Variants in USP40 observed in about 807,000 individuals in gnomAD.
The protein encoded by USP40 is ubiquitin carboxyl-terminal hydrolase 40.
In USP40, 143 loss-of-function variants were observed where a neutral mutation model predicts 166.2. The observed-to-expected ratio is 0.86, with a 90% confidence interval of 0.75 to 0.99. The LOEUF (loss-of-function observed/expected upper bound fraction) is 0.99. Ranked by LOEUF, USP40 falls within the 50% of genes least tolerant of loss-of-function variation. The pLI is 0.00. For missense variants in USP40, 1,444 were observed against 1,479.7 expected, an observed-to-expected ratio of 0.98 and a Z score of 0.40; for synonymous variants, 498 against 524.0, an observed-to-expected ratio of 0.95 and a Z score of 0.68.
intron 5 of USP40, among the ~76,000 whole-genome samples, chr2:233,555,697 G>A (rs191022852): frequency 1.9e-4 from 28 of 148,428 alleles, no homozygotes; most frequent in Non-Finnish European, 2.4e-4. Context: ...GCACAGTGGC[G>A]CAATCTCAGG....
At chr2:233,537,795 T>C (rs1002778070) in intron 10 of USP40, among the ~76,000 whole-genome samples, 2 of 152,148 alleles carry the variant, frequency 1.3e-5, no homozygotes, top group African/African-American at 4.8e-5. Context: ...AATTCTGAAC[T>C]TCAAGAAATG....
In USP40 at chr2:233,559,811, C is replaced by A; in HGVS notation, c.381G>T (p.Glu127Asp). The A allele has an allele frequency of 6.2e-7, 1 of 1,601,964 alleles. No individual in the cohort carries two copies. The highest frequency in any genetic ancestry group is 8.5e-7 in the Non-Finnish European group (1 of 1,173,718). The stretch of plus-strand genomic sequence containing the variant: ...TTCCTTAAAGAGCTGATCCTCGTAC[C>A]TCATTACTGGTCCACCCAAAGCTGT... ...LTDSFGWTSN[E>D]EMRQHDVQEL... Residue 127 changes from glutamate (E) to aspartate (D), a missense_variant and splice_region_variant, in exon 4 of 32, where the codon GAG (glutamate) becomes GAT (aspartate). By Grantham distance (45) the Glu-to-Asp change is conservative (BLOSUM62 2). Transcript: ENST00000678225.
At position 233,533,965 on chromosome 2, in the gene USP40, T is replaced by C. The variant is rs531558756; in HGVS notation, c.1171-186A>G. ...CATTTAATAAAACCACAGTGCTCTG[T>C]TAAATAGTCTGATAGTGACATCCAG... On this transcript the variant is annotated intron_variant, in intron 10 of 31. Coordinates refer to ENST00000678225, the MANE Select transcript of USP40 (RefSeq NM_001365479.2). Among the ~76,000 whole-genome samples, 10 of 152,330 alleles carry C rather than the reference T, an allele frequency of 6.6e-5. No homozygotes were observed. In the South Asian group the frequency reaches 2.1e-3, roughly 32 times the overall value.
chr2:233,555,979 G>A (rs545708730), intron 5 of USP40, among the ~76,000 whole-genome samples: 1 of 151,998 alleles, frequency 6.6e-6, no homozygotes, highest in Admixed American at 6.6e-5. Context: ...AGCCAGGCAT[G>A]GTGGCGGGCA....
intron 9 of USP40, among the ~76,000 whole-genome samples, chr2:233,541,269 A>G (rs902245756): frequency 1.3e-5 from 2 of 152,248 alleles, no homozygotes; most frequent in African/African-American, 4.8e-5. Flanking sequence ...GAATGTGACC[A>G]CATTTGGAGA....
intron 25 of USP40, 104 bp from the exon 26 acceptor site, chr2:233,491,365 C>G (rs2065325077): frequency 1.2e-6 from 1 of 862,264 alleles, no homozygotes; most frequent in Non-Finnish European, 1.9e-6. Flanking sequence ...TATTAAAATT[C>G]CACTCAAGAG....
At chr2:233,499,832 T>A (rs753130562) in intron 22 of USP40, 47 bp downstream of exon 22, 11 of 1,567,202 alleles carry the variant, frequency 7.0e-6, no homozygotes, top group African/African-American at 2.8e-5. Flanking sequence ...GTCAAAAAAA[T>A]TTTTATTAGG....
At chr2:233,495,171 T>C (rs535630170) in intron 24 of USP40, among the ~76,000 whole-genome samples, 1 of 151,262 alleles carries the variant, frequency 6.6e-6, no homozygotes, top group African/African-American at 2.4e-5. Flanking sequence ...CTTCACAGCA[T>C]ACACTAGGAG....
chr2:233,531,313 T>A (rs10185923), intron 11 of USP40, among the ~76,000 whole-genome samples: 120,357 of 152,042 alleles, frequency 0.79, 47,724 homozygotes, highest in East Asian at 0.87. Flanking sequence ...TCCCTCAGTC[T>A]TCTCTTCTTC....
intron 18 of USP40, among the ~76,000 whole-genome samples, chr2:233,517,013 T>A (rs1034873982): frequency 2.0e-5 from 3 of 152,362 alleles, no homozygotes; most frequent in Middle Eastern, 3.4e-3. Flanking sequence ...TGTCTAAGTA[T>A]CCCATAATAT....
At chr2:233,517,356 A>G (rs2067272013) in intron 18 of USP40, among the ~76,000 whole-genome samples, 1 of 152,106 alleles carries the variant, frequency 6.6e-6, no homozygotes, top group Admixed American at 6.5e-5. Flanking sequence ...TCATTATACA[A>G]AAAAGATACT....
chr2:233,529,652 AG>A (rs2068335412), intron 11 of USP40, 140 bp from the exon 12 acceptor site: 3 of 508,368 alleles, frequency 5.9e-6, no homozygotes, highest in East Asian at 3.1e-5. Context: ...GAATTTTCTC[AG>A]GATCTCAGTT....
chr2:233,483,214 G>C (rs2064737182), intron 30 of USP40, among the ~76,000 whole-genome samples: 3 of 152,138 alleles, frequency 2.0e-5, no homozygotes, highest in Non-Finnish European at 4.4e-5. Flanking sequence ...TTCTTGCCAG[G>C]CATGGTGGCT....
chr2:233,537,647 A>G (rs1052788155), intron 10 of USP40, among the ~76,000 whole-genome samples: 4 of 152,236 alleles, frequency 2.6e-5, no homozygotes, highest in African/African-American at 9.6e-5. Context: ...GGAAGCCAGA[A>G]CACAATGGGC....
chr2:233,502,917 G>GTT (rs1400422104), intron 21 of USP40, among the ~76,000 whole-genome samples: 1 of 151,832 alleles, frequency 6.6e-6, no homozygotes, highest in African/African-American at 2.4e-5. Flanking sequence ...ATTGGAAAAA[G>GTT]TAAGTGTTCA....
intron 8 of USP40, among the ~76,000 whole-genome samples, chr2:233,544,803 A>G (rs1193218557): frequency 1.3e-5 from 2 of 152,214 alleles, no homozygotes; most frequent in Non-Finnish European, 1.5e-5. Flanking sequence ...ACAATAAAGG[A>G]CAATGAGGAA....
intron 30 of USP40, among the ~76,000 whole-genome samples, chr2:233,484,328 G>C (rs2064810266): frequency 6.6e-6 from 1 of 152,202 alleles, no homozygotes; most frequent in Non-Finnish European, 1.5e-5. Context: ...TGCCTTCCAA[G>C]AACATGACGT....
intron 13 of USP40, among the ~76,000 whole-genome samples, chr2:233,526,019 T>G (rs1359321495): frequency 6.6e-6 from 1 of 152,142 alleles, no homozygotes; most frequent in East Asian, 1.9e-4. Context: ...TAAAGGTGCA[T>G]TACCAGTTTA....
chr2:233,543,780 G>T (rs533175575), intron 8 of USP40, among the ~76,000 whole-genome samples: 1 of 152,318 alleles, frequency 6.6e-6, no homozygotes, highest in African/African-American at 2.4e-5. Context: ...AAATTACCCA[G>T]CCTAAGTGTT....
Sources: allele counts gnomAD v4.1 joint callset (sites outside exome capture counted in the v4.1 genomes callset), GRCh38; gene constraint gnomAD v4.1.1; transcripts MANE v1.5; gene names NCBI Gene and HGNC (gene_info 2026-07-23, HGNC 2026-07-21).